FOXK1: variants seen among roughly 807,000 people sequenced by gnomAD.
FOXK1 encodes forkhead box K1, also known as forkhead box protein K1.
In FOXK1, 19 loss-of-function variants were observed where a neutral mutation model predicts 51.9. The ratio of observed to expected loss-of-function variants is 0.37; its 90% CI spans 0.26 to 0.54. The LOEUF is 0.54. FOXK1 is among the 20% of genes least tolerant of loss of function. The probability of loss-of-function intolerance (pLI) is 0.87; values close to 1 mark genes in which losing one functional copy is unlikely to be tolerated. For synonymous variants in FOXK1, 537 were observed against 482.6 expected, an observed-to-expected ratio of 1.11 and a Z score of -1.48; for missense variants, 870 against 1,032.7, an observed-to-expected ratio of 0.84 and a Z score of 2.16.
At position 4,723,988 on chromosome 7, in the gene FOXK1, CT is replaced by C. The variant is rs10708622; in HGVS notation, c.561-16848del. Reference sequence around the variant, plus strand: ...GCTCGGCCCATTCGATTTTTAAAACCTTAAATGACCCTGCATCTTCTGCTGC... The same window carrying C: ...GCTCGGCCCATTCGATTTTTAAAACCTAAATGACCCTGCATCTTCTGCTGC... On this transcript the variant is annotated intron_variant, in intron 1 of 8. Transcript: ENST00000328914. The surrounding 1 kb of genome is among the most constrained non-coding windows in gnomAD (Gnocchi z 4.7). Among the ~76,000 whole-genome samples the C allele has an allele frequency of 0.088, 13,295 of 151,738 alleles. 837 individuals are homozygous for C. Among genetic ancestry groups the C allele is most frequent in the African/African-American group, 0.17 (6,968 of 41,354 alleles).
chr7:4,687,352 G>C (rs751568215), intron 1 of FOXK1, among the ~76,000 whole-genome samples: 1 of 151,872 alleles, frequency 6.6e-6, no homozygotes, highest in Admixed American at 6.6e-5. Context: ...GAGTGCAGGG[G>C]TGTGATCTCA....
chr7:4,747,779 C>T lies in FOXK1; in HGVS notation c.747-6680C>T, dbSNP rs539110929. Reference sequence around the variant, plus strand: ...TCCTGGCCTCAAGCAGTCTTCCCACCTTGACCTCCCAAAGTGCCAAGATTA... The same window carrying T: ...TCCTGGCCTCAAGCAGTCTTCCCACTTTGACCTCCCAAAGTGCCAAGATTA... On this transcript the variant is annotated intron_variant, in intron 2 of 8. Coordinates refer to ENST00000328914, the MANE Select transcript of FOXK1 (RefSeq NM_001037165.2). The surrounding 1 kb of genome is among the most constrained non-coding windows in gnomAD (Gnocchi z 9.2). Among the ~76,000 whole-genome samples, 1 of 152,246 alleles carries T rather than the reference C, an allele frequency of 6.6e-6. No homozygotes were observed. The highest frequency in any genetic ancestry group is 1.9e-4 in the East Asian group (1 of 5,166).
chr7:4,762,393 A>G lies in FOXK1; in HGVS notation c.2131A>G (p.Ser711Gly). The G allele has an allele frequency of 6.5e-7, 1 of 1,550,104 alleles. No homozygotes were observed. Among genetic ancestry groups the G allele is most frequent in the Admixed American group, 2.0e-5 (1 of 51,174 alleles). The change falls in exon 9 of 9, where the codon AGT becomes GGT. Residue 711 changes from serine (S) to glycine (G), a missense_variant. Transcript: ENST00000328914. This position sits in a 1 kb window ranked among gnomAD's most constrained non-coding sequence, Gnocchi z 5.7. ...EVKRSRVEEPSGAVTTPAGVI... is the reference protein window; with the variant it reads ...EVKRSRVEEPGGAVTTPAGVI... ...CAAAAGGTCCCGGGTGGAGGAGCCCAGTGGTGCTGTAACCACACCGGCTGG... is the reference window on the plus strand; with the variant it reads ...CAAAAGGTCCCGGGTGGAGGAGCCCGGTGGTGCTGTAACCACACCGGCTGG...
rs1048611970 is a variant in FOXK1, at chr7:4,768,296, C to T, written c.*5832C>T. 1.4e-5 allele frequency: 2 copies of T among 146,936 alleles called. No individual in the cohort carries two copies. Among genetic ancestry groups the T allele is most frequent in the African/African-American group, 2.7e-5 (1 of 37,084 alleles). 9.1% of individuals were successfully genotyped at this position (146,936 alleles called of 1,614,324 possible). On this transcript the variant is annotated 3_prime_UTR_variant, in exon 9 of 9. Coordinates refer to ENST00000328914, the MANE Select transcript of FOXK1 (RefSeq NM_001037165.2). Reference sequence around the variant, plus strand: ...TACAGGCGCCCGCTACCACGCCCGGCTAATTTTTTGTATTTTTAGTAGAGA... The same window carrying T: ...TACAGGCGCCCGCTACCACGCCCGGTTAATTTTTTGTATTTTTAGTAGAGA...
chr7:4,762,743 C>T lies in FOXK1; in HGVS notation c.*279C>T. The T allele has an allele frequency of 2.3e-6, 1 of 443,244 alleles. No homozygotes were observed. The highest frequency in any genetic ancestry group is 4.1e-6 in the Non-Finnish European group (1 of 241,196). 27.5% of individuals were successfully genotyped at this position (443,244 alleles called of 1,614,324 possible). A position where few individuals can be genotyped will look rare whatever the true frequency, so the allele number is the denominator to read the frequency against. The stretch of plus-strand genomic sequence containing the variant: ...CTCGGCACCACCTCCTCTCCCCAGG[C>T]CTCCCTGTCGGGCATGGGGAGGAGG... On this transcript the variant is annotated 3_prime_UTR_variant, in exon 9 of 9. Transcript: ENST00000328914. This position sits in a 1 kb window ranked among gnomAD's most constrained non-coding sequence, Gnocchi z 5.7.
chr7:4,747,536 T>G lies in FOXK1; in HGVS notation c.746+6513T>G, dbSNP rs1238116140. On this transcript the variant is annotated intron_variant, in intron 2 of 8. Coordinates refer to ENST00000328914, the MANE Select transcript of FOXK1 (RefSeq NM_001037165.2). The surrounding 1 kb of genome is among the most constrained non-coding windows in gnomAD (Gnocchi z 9.2). Reference sequence around the variant, plus strand: ...TTGGGTTTGGGGGGTTGATTTTGTTTTTGTTTGTTTGTTTTTTGGGACAGG... The same window carrying G: ...TTGGGTTTGGGGGGTTGATTTTGTTGTTGTTTGTTTGTTTTTTGGGACAGG... Among the ~76,000 whole-genome samples the G allele has an allele frequency of 3.3e-5, 5 of 152,152 alleles. No individual in the cohort carries two copies.
At position 4,683,816 on chromosome 7, in the gene FOXK1, G is replaced by A. The variant is rs1779784671; in HGVS notation, c.560+948G>A. On this transcript the variant is annotated intron_variant, in intron 1 of 8. Transcript: ENST00000328914. This position sits in a 1 kb window ranked among gnomAD's most constrained non-coding sequence, Gnocchi z 4.5. ...TCACCCAGGACAGTGGGAGGGTGTT[G>A]CTCCGGGAAGTGCGAGGTCCCTAGG... 6.6e-6 allele frequency among the ~76,000 whole-genome samples: 1 copy of A among 152,246 alleles called. No individual in the cohort carries two copies. The highest frequency in any genetic ancestry group is 6.5e-5 in the Admixed American group (1 of 15,286).
intron 2 of FOXK1, among the ~76,000 whole-genome samples, chr7:4,746,375 C>G (rs1301820182): frequency 6.6e-6 from 1 of 152,160 alleles, no homozygotes; most frequent in African/African-American, 2.4e-5. Flanking sequence ...ACTTTGGTAG[C>G]TTCCTGCAGG....
chr7:4,728,062 G>T (rs1780403170), intron 1 of FOXK1, among the ~76,000 whole-genome samples: 1 of 152,142 alleles, frequency 6.6e-6, no homozygotes, highest in Non-Finnish European at 1.5e-5. Flanking sequence ...AGGCAGCTGG[G>T]CCCCCGGGAC....
chr7:4,705,767 A>G (rs6965027), intron 1 of FOXK1, among the ~76,000 whole-genome samples: 31,170 of 147,904 alleles, frequency 0.21, 6,428 homozygotes, highest in African/African-American at 0.55. Context: ...TCGATCTCCC[A>G]ACCTCGTGAC....
At chr7:4,718,502 G>A (rs577296755) in intron 1 of FOXK1, among the ~76,000 whole-genome samples, 58 of 152,310 alleles carry the variant, frequency 3.8e-4, no homozygotes, top group African/African-American at 1.3e-3. Flanking sequence ...CCTGTCTACT[G>A]AAGTACATTA....
rs1444905567 is a variant in FOXK1 at position 4,762,001 on chromosome 7, A to C, written c.1922-183A>C. On this transcript the variant is annotated intron_variant, in intron 8 of 8. Coordinates refer to ENST00000328914, the MANE Select transcript of FOXK1 (RefSeq NM_001037165.2). The surrounding 1 kb of genome is among the most constrained non-coding windows in gnomAD (Gnocchi z 5.7). ...AGGCTGGAGCCAGCAGAGACAGGGC[A>C]GATGAGGTGGGGAGGGGACGGCAGG... 1.3e-5 allele frequency among the ~76,000 whole-genome samples: 2 copies of C among 152,124 alleles called. No homozygotes were observed. The highest frequency in any genetic ancestry group is 4.8e-5 in the African/African-American group (2 of 41,438).
At chr7:4,692,615 G>A (rs1296632694) in intron 1 of FOXK1, among the ~76,000 whole-genome samples, 2 of 151,944 alleles carry the variant, frequency 1.3e-5, no homozygotes, top group Non-Finnish European at 2.9e-5. Flanking sequence ...AGCTGGTCTC[G>A]AACTCCTAAC....
Position 4,731,972 on chromosome 7 carries a change from G to T in FOXK1, c.561-8866G>T, listed in dbSNP as rs1289300644. ...ACACGGAGGCCGGGCTGGCCAGGGCGGGGCTCAGATTCAGTGACTTGCCCA... is the reference window on the plus strand; with the variant it reads ...ACACGGAGGCCGGGCTGGCCAGGGCTGGGCTCAGATTCAGTGACTTGCCCA... On this transcript the variant is annotated intron_variant, in intron 1 of 8. Transcript: ENST00000328914. The surrounding 1 kb of genome is among the most constrained non-coding windows in gnomAD (Gnocchi z 5.3). Among the ~76,000 whole-genome samples, 1 of 152,170 alleles carries T rather than the reference G, an allele frequency of 6.6e-6. No homozygotes were observed. The highest frequency in any genetic ancestry group is 1.5e-5 in the Non-Finnish European group (1 of 68,028).
intron 2 of FOXK1, among the ~76,000 whole-genome samples, chr7:4,754,227 T>C (rs1482405391): frequency 6.6e-6 from 1 of 152,146 alleles, no homozygotes; most frequent in Non-Finnish European, 1.5e-5. Context: ...GGGCCCGCGG[T>C]GCTCTCAGCC....
rs959946331 is a variant in FOXK1 at position 4,756,517 on chromosome 7, A to C, written c.1051-477A>C. Among the ~76,000 whole-genome samples the C allele has an allele frequency of 2.6e-5, 4 of 151,128 alleles. No homozygotes were observed. The highest frequency in any genetic ancestry group is 7.3e-5 in the African/African-American group (3 of 41,104). On this transcript the variant is annotated intron_variant, in intron 4 of 8. Coordinates refer to ENST00000328914, the MANE Select transcript of FOXK1 (RefSeq NM_001037165.2). This position sits in a 1 kb window ranked among gnomAD's most constrained non-coding sequence, Gnocchi z 4.1. ...AATGGTAATGGCAGCCAGGCACAGT[A>C]GCTCATGCCTGTAATCCCAGCACTT...
In FOXK1 at chr7:4,705,641, A is replaced by G. The variant is rs112619765; in HGVS notation, c.560+22773A>G. Among the ~76,000 whole-genome samples the G allele has an allele frequency of 3.0e-3, 442 of 149,830 alleles. 2 individuals are homozygous for G. Among genetic ancestry groups the G allele is most frequent in the African/African-American group, 0.01 (421 of 40,616 alleles). The stretch of plus-strand genomic sequence containing the variant: ...AACCTCTGCTTCCCGCATTGAAGCA[A>G]TTCTCCTGCCTCAGCCTCCCAAGCA... On this transcript the variant is annotated intron_variant, in intron 1 of 8. Coordinates refer to ENST00000328914, the MANE Select transcript of FOXK1 (RefSeq NM_001037165.2).
intron 1 of FOXK1, among the ~76,000 whole-genome samples, chr7:4,721,517 C>T (rs1780310023): frequency 6.6e-6 from 1 of 151,978 alleles, no homozygotes; most frequent in Non-Finnish European, 1.5e-5. Flanking sequence ...AGAATAATTC[C>T]AGCTCTCCAA....
intron 2 of FOXK1, among the ~76,000 whole-genome samples, chr7:4,752,903 C>A (rs906077943): frequency 6.6e-6 from 1 of 152,354 alleles, no homozygotes; most frequent in African/African-American, 2.4e-5. Context: ...TGTTACCAGT[C>A]AAAACCTTTC....
Sources: allele counts gnomAD v4.1 joint callset (sites outside exome capture counted in the v4.1 genomes callset), GRCh38; gene constraint gnomAD v4.1.1; non-coding constraint Gnocchi (gnomAD v3.1); transcripts MANE v1.5; gene names NCBI Gene and HGNC (gene_info 2026-07-23, HGNC 2026-07-21).